GATA4: variants seen among roughly 807,000 people sequenced by gnomAD.
The protein encoded by GATA4 is GATA binding protein 4, also known as transcription factor GATA-4.
Under a neutral mutation model 37.9 loss-of-function variants are expected in GATA4, and 7 were observed. That is an observed-to-expected ratio of 0.18 (90% CI 0.11 to 0.35). GATA4 has a LOEUF of 0.35. Among genes scored for constraint, GATA4 ranks in the 10% least tolerant of loss-of-function variants. GATA4 has a pLI of 1.00. For missense variants in GATA4, 647 were observed against 653.0 expected, an observed-to-expected ratio of 0.99 and a Z score of 0.10; for synonymous variants, 372 against 292.6, an observed-to-expected ratio of 1.27 and a Z score of -2.77.
chr8:11,677,386 G>A (rs1294944449), intron 1 of GATA4, among the ~76,000 whole-genome samples: 1 of 152,206 alleles, frequency 6.6e-6, no homozygotes, highest in Non-Finnish European at 1.5e-5. Context: ...TCCCGATTCA[G>A]CTTCCCACTC....
rs574363945 is a variant in GATA4 at position 11,686,054 on chromosome 8, C to A, written c.-274+8991C>A. Among the ~76,000 whole-genome samples the A allele has an allele frequency of 2.0e-5, 3 of 152,286 alleles. No homozygotes were observed. In the East Asian group the frequency reaches 5.8e-4, roughly 29 times the overall value. Reference sequence around the variant, plus strand: ...TAAATGTCAGGTTCCGGTTTTGAAACTGAAATAGTTTGCACTTGTAGAGAA... The same window carrying A: ...TAAATGTCAGGTTCCGGTTTTGAAAATGAAATAGTTTGCACTTGTAGAGAA... On this transcript the variant is annotated intron_variant, in intron 1 of 6. Coordinates refer to the GATA4 transcript ENST00000528712.
At chr8:11,755,391 C>T (rs1265091765) in intron 5 of GATA4, among the ~76,000 whole-genome samples, 1 of 152,232 alleles carries the variant, frequency 6.6e-6, no homozygotes, top group Non-Finnish European at 1.5e-5. Context: ...ACCCAGTGCT[C>T]AGGCTGGACC....
chr8:11,680,765 C>G (rs1484777946), intron 1 of GATA4: 2 of 985,236 alleles, frequency 2.0e-6, no homozygotes, highest in African/African-American at 1.7e-5. Context: ...GCGCACCCCT[C>G]TCCAGATGCG....
Position 11,708,375 on chromosome 8 carries a change from C to A in GATA4, c.63C>A (p.Gly21=), listed in dbSNP as rs1403578989. Residue 21 remains glycine, a synonymous_variant, in exon 2 of 7, where the codon GGC becomes GGA. Coordinates refer to ENST00000532059, the MANE Select transcript of GATA4 (RefSeq NM_001308093.3). The surrounding 1 kb of genome is among the most constrained non-coding windows in gnomAD (Gnocchi z 6.7). ...CGCCCCCCGGTGCCTACGAGGCGGG[C>A]GGCCCCGGCGCCTTCATGCACGGCG... The part of the protein sequence containing the change: ...HGPPPGAYEA[G]GPGAFMHGAG... 16 of 1,555,072 alleles carry A rather than the reference C, an allele frequency of 1.0e-5. No individual in the cohort carries two copies. The highest frequency in any genetic ancestry group is 1.3e-5 in the Non-Finnish European group (15 of 1,158,078).
At chr8:11,729,883 A>G (rs988441894) in intron 2 of GATA4, among the ~76,000 whole-genome samples, 8 of 152,170 alleles carry the variant, frequency 5.3e-5, no homozygotes, top group African/African-American at 1.7e-4. Flanking sequence ...TTTAAACCCA[A>G]TATATAATTC....
chr8:11,757,256 C>T (rs907097791), intron 6 of GATA4, among the ~76,000 whole-genome samples, 173 bp downstream of exon 6: 4 of 152,314 alleles, frequency 2.6e-5, no homozygotes, highest in South Asian at 2.1e-4. Context: ...CCCTCAGGGC[C>T]GCACGAGGCT....
intron 1 of GATA4, chr8:11,697,961 C>T: frequency 2.0e-6 from 2 of 985,476 alleles, no homozygotes; most frequent in Non-Finnish European, 2.4e-6. Flanking sequence ...GGCGGCGCTC[C>T]AGCCGCGGGT....
At chr8:11,751,142 G>A (rs186966813) in intron 4 of GATA4, among the ~76,000 whole-genome samples, 6 of 152,164 alleles carry the variant, frequency 3.9e-5, no homozygotes, top group East Asian at 1.9e-4. Flanking sequence ...GTTTGTGCCT[G>A]GAAATGATAC....
At chr8:11,683,029 G>GT in intron 1 of GATA4, 2 of 982,474 alleles carry the variant, frequency 2.0e-6, no homozygotes, top group Non-Finnish European at 1.2e-6. Context: ...CAGCCTCGGT[G>GT]CGCGGGGGTT....
At chr8:11,736,899 T>C (rs560057612) in intron 2 of GATA4, among the ~76,000 whole-genome samples, 1 of 152,354 alleles carries the variant, frequency 6.6e-6, no homozygotes, top group African/African-American at 2.4e-5. Flanking sequence ...AAATGTGTGC[T>C]GCCCAGGTCC....
chr8:11,755,863 C>T (rs914117138), intron 5 of GATA4, among the ~76,000 whole-genome samples: 2 of 150,352 alleles, frequency 1.3e-5, no homozygotes, highest in Non-Finnish European at 2.9e-5. Context: ...GACCTATGAT[C>T]GTGCCACTGC....
chr8:11,721,076 C>T (rs1800652353), intron 2 of GATA4, among the ~76,000 whole-genome samples: 1 of 151,892 alleles, frequency 6.6e-6, no homozygotes, highest in Non-Finnish European at 1.5e-5. Context: ...ATCCCAGCAA[C>T]TTAGAGCTTG....
At chr8:11,680,163 C>A (rs1300221049) in intron 1 of GATA4, among the ~76,000 whole-genome samples, 2 of 152,230 alleles carry the variant, frequency 1.3e-5, no homozygotes, top group Admixed American at 6.5e-5. Context: ...TAAATGACGC[C>A]GCTCCCACCT....
At chr8:11,697,817 C>T (rs1692918735) in intron 1 of GATA4, 1 of 985,354 alleles carries the variant, frequency 1.0e-6, no homozygotes, top group Admixed American at 6.1e-5. Flanking sequence ...GGTGCCGGGC[C>T]GGTGGGGCGT....
chr8:11,680,532 C>A (rs1798924955), intron 1 of GATA4: 1 of 985,460 alleles, frequency 1.0e-6, no homozygotes, highest in Non-Finnish European at 1.2e-6. Context: ...GGACGGGTGT[C>A]GCGCCGACGT....
At chr8:11,755,418 G>C (rs550131343) in intron 5 of GATA4, among the ~76,000 whole-genome samples, 20 of 152,336 alleles carry the variant, frequency 1.3e-4, no homozygotes, top group Middle Eastern at 3.4e-3. Context: ...GGTCCTGCAG[G>C]AAAGAGGAAC....
chr8:11,700,624 G>A (rs1311794143), upstream of GATA4: 2 of 152,302 alleles, frequency 1.3e-5, no homozygotes, highest in African/African-American at 4.8e-5. Flanking sequence ...GAGTATCGCA[G>A]ACCGGCGCCC....
chr8:11,698,857 T>TA (rs1280249996), intron 1 of GATA4, among the ~76,000 whole-genome samples: 2 of 152,054 alleles, frequency 1.3e-5, no homozygotes, highest in Non-Finnish European at 2.9e-5. Context: ...TTGTAGGCGA[T>TA]AGCAGCTCCA....
intron 2 of GATA4, among the ~76,000 whole-genome samples, chr8:11,736,047 G>C (rs1333427496): frequency 6.6e-6 from 1 of 152,110 alleles, no homozygotes; most frequent in East Asian, 1.9e-4. Context: ...GAGTAGCTGA[G>C]ACTACAGGCG....
Sources: gnomAD v4.1 joint callset for allele counts (sites outside exome capture counted in the v4.1 genomes callset) on GRCh38, gnomAD v4.1.1 for gene constraint, Gnocchi (gnomAD v3.1) non-coding constraint, MANE v1.5 for transcripts, NCBI Gene and HGNC (gene_info 2026-07-23, HGNC 2026-07-21) for gene names.